The following PITPNC1 variants were observed in gnomAD, a reference collection of about 807,000 sequenced individuals.
PITPNC1 encodes phosphatidylinositol transfer protein cytoplasmic 1, also known as cytoplasmic phosphatidylinositol transfer protein 1.
PITPNC1 carries 18 observed loss-of-function variants against 44.7 expected under a neutral mutation model. The ratio of observed to expected loss-of-function variants is 0.40; its 90% CI spans 0.28 to 0.60. PITPNC1 has a LOEUF of 0.60. Among genes scored for constraint, PITPNC1 ranks in the 20% least tolerant of loss-of-function variants. The pLI is 0.39. For synonymous variants in PITPNC1, 141 were observed against 149.6 expected, an observed-to-expected ratio of 0.94 and a Z score of 0.42; for missense variants, 290 against 418.4, an observed-to-expected ratio of 0.69 and a Z score of 2.68.
In PITPNC1 at chr17:67,621,678, A is replaced by G. The variant is rs558743401; in HGVS notation, c.367-10465A>G. 7.2e-5 allele frequency among the ~76,000 whole-genome samples: 11 copies of G among 152,350 alleles called. No individual in the cohort carries two copies. The South Asian group carries it at 2.3e-3, about 32-fold the overall frequency. On this transcript the variant is annotated intron_variant, in intron 5 of 8. Coordinates refer to ENST00000581322, the MANE Select transcript of PITPNC1 (RefSeq NM_012417.4). ...TGAACACACAGTAGGTGCTTAACCA[A>G]TATTTGCCAATTCATTGAATGGTGG...
intron 2 of PITPNC1, among the ~76,000 whole-genome samples, chr17:67,542,262 T>C (rs185486600): frequency 5.3e-5 from 8 of 152,174 alleles, no homozygotes; most frequent in Non-Finnish European, 1.2e-4. Flanking sequence ...TGGATGCATA[T>C]TTTGGAACCA....
intron 1 of PITPNC1, among the ~76,000 whole-genome samples, chr17:67,462,423 G>A (rs576795360): frequency 4.6e-4 from 69 of 151,636 alleles, no homozygotes; most frequent in Middle Eastern, 3.4e-3. Context: ...TTAGAAATGG[G>A]GTTTCACTAT....
intron 4 of PITPNC1, among the ~76,000 whole-genome samples, chr17:67,554,079 A>C (rs1012237765): frequency 1.3e-5 from 2 of 152,156 alleles, no homozygotes; most frequent in Admixed American, 1.3e-4. Context: ...TGGGTTGGGC[A>C]GTCGCTGTGG....
At chr17:67,588,098 G>A (rs1051921566) in intron 5 of PITPNC1, among the ~76,000 whole-genome samples, 1 of 152,160 alleles carries the variant, frequency 6.6e-6, no homozygotes, top group South Asian at 2.1e-4. Context: ...CTACCTCTCA[G>A]GTTCAAACGA....
At chr17:67,378,251 C>T in intron 1 of PITPNC1, 49 bp downstream of exon 1, 1 of 1,295,386 alleles carries the variant, frequency 7.7e-7, no homozygotes, top group South Asian at 1.5e-5. Flanking sequence ...ACCCCCGCCG[C>T]TACCGCCGCC....
intron 8 of PITPNC1, among the ~76,000 whole-genome samples, chr17:67,684,669 C>T (rs2042780700): frequency 6.6e-6 from 1 of 151,930 alleles, no homozygotes; most frequent in Non-Finnish European, 1.5e-5. Context: ...TTTTATTTAA[C>T]AATAGATTAA....
At chr17:67,484,709 G>A (rs2039753108) in intron 1 of PITPNC1, among the ~76,000 whole-genome samples, 2 of 152,112 alleles carry the variant, frequency 1.3e-5, no homozygotes, top group African/African-American at 4.8e-5. Flanking sequence ...AGGCCGAGGT[G>A]GGCGGATCAC....
chr17:67,430,500 A>G (rs1373786757), intron 1 of PITPNC1, among the ~76,000 whole-genome samples: 1 of 146,398 alleles, frequency 6.8e-6, no homozygotes, highest in Non-Finnish European at 1.5e-5. Context: ...AAACAAAAAC[A>G]AAAACAAACT....
chr17:67,625,279 T>C (rs974182304), intron 5 of PITPNC1, among the ~76,000 whole-genome samples: 7 of 152,078 alleles, frequency 4.6e-5, no homozygotes, highest in Admixed American at 6.6e-5. Context: ...AGGAGACAAA[T>C]TCAGCCCAAG....
At chr17:67,545,915 A>G (rs2040673825) in intron 2 of PITPNC1, among the ~76,000 whole-genome samples, 1 of 152,092 alleles carries the variant, frequency 6.6e-6, no homozygotes. Context: ...GCCATAATAA[A>G]GAACAGTATA....
At position 67,563,914 on chromosome 17, in the gene PITPNC1, C is replaced by T. The variant is rs2040938451; in HGVS notation, c.294+10297C>T. Among the ~76,000 whole-genome samples the T allele has an allele frequency of 4.0e-5, 6 of 151,178 alleles. No homozygotes were observed. In the South Asian group the frequency reaches 1.3e-3, roughly 32 times the overall value. On this transcript the variant is annotated intron_variant, in intron 4 of 8. Transcript: ENST00000581322. The stretch of plus-strand genomic sequence containing the variant: ...GTGGATGGATAGATAGATTAGATAG[C>T]TAGATTAGATATGTAGATTAGATAG...
intron 1 of PITPNC1, among the ~76,000 whole-genome samples, chr17:67,408,065 C>T (rs1037596464): frequency 2.0e-5 from 3 of 151,948 alleles, no homozygotes; most frequent in South Asian, 2.1e-4. Context: ...AAGCTATTCT[C>T]CTGCCTCAGC....
chr17:67,618,752 A>G (rs1026786136), intron 5 of PITPNC1, among the ~76,000 whole-genome samples: 1 of 151,512 alleles, frequency 6.6e-6, no homozygotes, highest in Non-Finnish European at 1.5e-5. Context: ...ACTCCGTCTC[A>G]GAAAAAAATA....
intron 5 of PITPNC1, among the ~76,000 whole-genome samples, chr17:67,622,820 C>CA (rs1288784810): frequency 6.6e-6 from 1 of 151,490 alleles, no homozygotes; most frequent in Non-Finnish European, 1.5e-5. Context: ...AGGTTGCAGT[C>CA]ACGCCAATGC....
intron 8 of PITPNC1, among the ~76,000 whole-genome samples, chr17:67,679,774 C>T (rs1025605712): frequency 5.3e-5 from 8 of 152,110 alleles, no homozygotes; most frequent in Middle Eastern, 3.2e-3. Flanking sequence ...TCTCTCTGCA[C>T]GACTAGAACG....
intron 6 of PITPNC1, among the ~76,000 whole-genome samples, chr17:67,636,870 C>T (rs1191165415): frequency 6.6e-6 from 1 of 152,192 alleles, no homozygotes; most frequent in Non-Finnish European, 1.5e-5. Flanking sequence ...CACCCTCCAC[C>T]CCACCACAGG....
intron 7 of PITPNC1, among the ~76,000 whole-genome samples, chr17:67,673,751 C>G (rs1388141641): frequency 6.6e-6 from 1 of 151,518 alleles, no homozygotes; most frequent in Non-Finnish European, 1.5e-5. Context: ...GGGTTCGAGA[C>G]CAGCCTGACC....
At chr17:67,629,270 T>TTTG (rs1295455215) in intron 5 of PITPNC1, among the ~76,000 whole-genome samples, 1 of 5,232 alleles carries the variant, frequency 1.9e-4, no homozygotes. Context: ...GTGTGTGGTT[T>TTTG]TTGTTGTTGT....
intron 6 of PITPNC1, among the ~76,000 whole-genome samples, chr17:67,657,155 C>T (rs984440404): frequency 4.2e-5 from 6 of 143,792 alleles, no homozygotes; most frequent in Admixed American, 6.9e-5. Context: ...TCCCCACCCC[C>T]GTTTTTTTTG....
Sources: gnomAD v4.1 joint callset for allele counts (sites outside exome capture counted in the v4.1 genomes callset) on GRCh38, gnomAD v4.1.1 for gene constraint, MANE v1.5 for transcripts, NCBI Gene and HGNC (gene_info 2026-07-23, HGNC 2026-07-21) for gene names.